PCDH9: variants seen among roughly 807,000 people sequenced by gnomAD.
The protein encoded by PCDH9 is protocadherin 9.
PCDH9 carries 24 observed loss-of-function variants against 70.6 expected under a neutral mutation model. The observed-to-expected ratio is 0.34, with a 90% confidence interval of 0.25 to 0.48. The LOEUF (loss-of-function observed/expected upper bound fraction) is 0.48. Among genes scored for constraint, PCDH9 ranks in the 20% least tolerant of loss-of-function variants. The pLI is 0.99. For synonymous variants in PCDH9, 562 were observed against 558.5 expected (o/e 1.01, Z -0.09); for missense variants, 1,281 against 1,503.6 (o/e 0.85, Z 2.45).
At chr13:66,390,607 A>C (rs1957001228) in intron 4 of PCDH9, among the ~76,000 whole-genome samples, 1 of 151,988 alleles carries the variant, frequency 6.6e-6, no homozygotes, top group Non-Finnish European at 1.5e-5. Flanking sequence ...GTGGTGGCAC[A>C]AGCCTGTAGT....
At chr13:67,093,976 AATT>A (rs1327716388) in intron 2 of PCDH9, among the ~76,000 whole-genome samples, 3 of 152,176 alleles carry the variant, frequency 2.0e-5, no homozygotes, top group African/African-American at 4.8e-5. Context: ...GTAGAACAAG[AATT>A]TTCTACTCTT....
intron 4 of PCDH9, among the ~76,000 whole-genome samples, chr13:66,590,448 A>G (rs2077023595): frequency 6.6e-6 from 1 of 151,980 alleles, no homozygotes; most frequent in African/African-American, 2.4e-5. Flanking sequence ...ATGTTAAACT[A>G]TGAATTGGTT....
intron 2 of PCDH9, among the ~76,000 whole-genome samples, chr13:66,992,589 A>G (rs1410704195): frequency 6.6e-6 from 1 of 152,142 alleles, no homozygotes; most frequent in African/African-American, 2.4e-5. Context: ...ATTTGTTTCC[A>G]CTTCACAACT....
chr13:67,006,680 T>C (rs1004103723), intron 2 of PCDH9, among the ~76,000 whole-genome samples: 1 of 152,210 alleles, frequency 6.6e-6, no homozygotes, highest in African/African-American at 2.4e-5. Flanking sequence ...ATTCTAAAAG[T>C]GTCTCTTTGG....
chr13:66,626,147 T>C (rs543808500), intron 4 of PCDH9, among the ~76,000 whole-genome samples: 5 of 151,494 alleles, frequency 3.3e-5, no homozygotes, highest in Non-Finnish European at 5.9e-5. Flanking sequence ...TCATTGGGAG[T>C]CTTTGATCCT....
chr13:66,453,752 C>CTGA (rs1285536471), intron 4 of PCDH9, among the ~76,000 whole-genome samples: 4 of 152,220 alleles, frequency 2.6e-5, no homozygotes, highest in East Asian at 3.9e-4. Context: ...ATGAGGACAT[C>CTGA]AATGGATTCT....
At chr13:66,543,118 G>A (rs975464652) in intron 4 of PCDH9, among the ~76,000 whole-genome samples, 5 of 151,640 alleles carry the variant, frequency 3.3e-5, no homozygotes, top group African/African-American at 9.7e-5. Flanking sequence ...TCTCATTAAC[G>A]TAATGCTCTT....
intron 4 of PCDH9, among the ~76,000 whole-genome samples, chr13:66,393,238 AGGTGGTATTT>A (rs1957048471): frequency 6.6e-6 from 1 of 152,222 alleles, no homozygotes; most frequent in Non-Finnish European, 1.5e-5. Flanking sequence ...TTCAGAATAC[AGGTGGTATTT>A]CATGTCTACA....
chr13:66,653,755 C>T (rs1284801883), intron 3 of PCDH9, among the ~76,000 whole-genome samples: 2 of 151,974 alleles, frequency 1.3e-5, no homozygotes, highest in East Asian at 1.9e-4. Context: ...ATCATGAGGT[C>T]AGGAGACCCA....
intron 4 of PCDH9, among the ~76,000 whole-genome samples, chr13:66,552,362 T>C (rs571587407): frequency 3.9e-5 from 6 of 152,256 alleles, no homozygotes; most frequent in Admixed American, 3.9e-4. Flanking sequence ...CTAGGCGCGA[T>C]ATTTGCATGT....
chr13:66,303,829 T>A lies in PCDH9; in HGVS notation c.*826A>T, dbSNP rs1000073615. 2 of 152,092 alleles carry A rather than the reference T, an allele frequency of 1.3e-5. No homozygotes were observed. The highest frequency in any genetic ancestry group is 4.8e-5 in the African/African-American group (2 of 41,440). The allele number at this position is 152,092 out of a possible 1,614,324, so 9.4% of individuals were successfully genotyped here. A position where few individuals can be genotyped will look rare whatever the true frequency, so the allele number is the denominator to read the frequency against. On this transcript the variant is annotated 3_prime_UTR_variant, in exon 5 of 5. Coordinates refer to ENST00000377865, the MANE Select transcript of PCDH9 (RefSeq NM_203487.3). Reference sequence around the variant, plus strand: ...GCAGAAGTCCTTTTTTGTATAAAGTTTTCATTTTTTCTTTCATCTTTATTG... The same window carrying A: ...GCAGAAGTCCTTTTTTGTATAAAGTATTCATTTTTTCTTTCATCTTTATTG...
At chr13:67,023,024 A>C (rs1223508985) in intron 2 of PCDH9, among the ~76,000 whole-genome samples, 1 of 152,204 alleles carries the variant, frequency 6.6e-6, no homozygotes, top group African/African-American at 2.4e-5. Context: ...AAATCAAACC[A>C]ATCACTGCAA....
At chr13:66,631,714 A>C (rs2077573935) in intron 3 of PCDH9, among the ~76,000 whole-genome samples, 1 of 152,196 alleles carries the variant, frequency 6.6e-6, no homozygotes, top group Non-Finnish European at 1.5e-5. Context: ...CTGTCGACAA[A>C]ATTACAGAAA....
At chr13:66,561,848 C>A (rs765427414) in intron 4 of PCDH9, among the ~76,000 whole-genome samples, 10 of 152,104 alleles carry the variant, frequency 6.6e-5, no homozygotes, top group Admixed American at 2.0e-4. Flanking sequence ...CTGCCCGAGT[C>A]AGCAGTGGCA....
chr13:66,744,633 A>G (rs1350155660), intron 3 of PCDH9, among the ~76,000 whole-genome samples: 4 of 152,106 alleles, frequency 2.6e-5, no homozygotes, highest in East Asian at 1.9e-4. Context: ...AGGATATAAT[A>G]TATACATATA....
chr13:66,880,275 G>A (rs2081899545), intron 3 of PCDH9: 1 of 152,142 alleles, frequency 6.6e-6, no homozygotes. Context: ...TGATATCCAT[G>A]AGACACTAAA....
At chr13:66,396,781 C>T (rs1168636788) in intron 4 of PCDH9, among the ~76,000 whole-genome samples, 3 of 152,002 alleles carry the variant, frequency 2.0e-5, no homozygotes, top group Admixed American at 2.0e-4. Flanking sequence ...TGAAAATGCC[C>T]ATCATGAGGC....
At chr13:66,776,212 C>T (rs935463721) in intron 3 of PCDH9, among the ~76,000 whole-genome samples, 2 of 151,420 alleles carry the variant, frequency 1.3e-5, no homozygotes, top group African/African-American at 2.4e-5. Flanking sequence ...CCTTTGAAAA[C>T]TGGCACAAGA....
chr13:66,400,660 A>C (rs1407234263), intron 4 of PCDH9, among the ~76,000 whole-genome samples: 8 of 152,230 alleles, frequency 5.3e-5, no homozygotes, highest in African/African-American at 1.7e-4. Flanking sequence ...AAGTGGGCTA[A>C]TTTAATGGAT....
Sources: gnomAD v4.1 joint callset for allele counts (sites outside exome capture counted in the v4.1 genomes callset) on GRCh38, gnomAD v4.1.1 for gene constraint, MANE v1.5 for transcripts, NCBI Gene and HGNC (gene_info 2026-07-23, HGNC 2026-07-21) for gene names.